The following GAS7 variants were observed in gnomAD, a reference collection of about 807,000 sequenced individuals.
The protein encoded by GAS7 is growth arrest specific 7, also known as growth arrest-specific protein 7.
In GAS7, 28 loss-of-function variants were observed where a neutral mutation model predicts 71.1. The ratio of observed to expected loss-of-function variants is 0.39; its 90% CI spans 0.29 to 0.54. The LOEUF is 0.54. GAS7 is among the 20% of genes least tolerant of loss of function. The probability of loss-of-function intolerance (pLI) is 0.62; values close to 1 mark genes in which losing one functional copy is unlikely to be tolerated. For missense variants in GAS7, 436 were observed against 627.8 expected (o/e 0.69, Z 3.27); for synonymous variants, 258 against 245.8 (o/e 1.05, Z -0.46).
At chr17:10,051,795 C>T (rs74610972) in intron 1 of GAS7, among the ~76,000 whole-genome samples, 1,585 of 152,208 alleles carry the variant, frequency 0.01, 26 homozygotes, top group African/African-American at 0.036. Flanking sequence ...CCAGATCGAT[C>T]GCTCAAGCTC....
Position 9,919,983 on chromosome 17 carries a change from G to C in GAS7, c.1139-278C>G, listed in dbSNP as rs1451645100. Among the ~76,000 whole-genome samples the C allele has an allele frequency of 7.1e-6, 1 of 139,870 alleles. No homozygotes were observed. Among genetic ancestry groups the C allele is most frequent in the Admixed American group, 6.8e-5 (1 of 14,704 alleles). 91.8% of individuals were successfully genotyped at this position (139,870 alleles called of 152,430 possible). Reference sequence around the variant, plus strand: ...TGGTTCTCATTTTGTGTGTGTGTGTGTGTGTGTGTGTGTGTGTGTGTGTGT... The same window carrying C: ...TGGTTCTCATTTTGTGTGTGTGTGTCTGTGTGTGTGTGTGTGTGTGTGTGT... On this transcript the variant is annotated intron_variant, in intron 11 of 13. Transcript: ENST00000432992. This position sits in a 1 kb window ranked among gnomAD's most constrained non-coding sequence, Gnocchi z 5.0.
chr17:10,142,626 A>G lies in GAS7; in HGVS notation c.183+55582T>C, dbSNP rs927482950. 6.2e-4 allele frequency among the ~76,000 whole-genome samples: 95 copies of G among 152,204 alleles called. 1 individual carries two copies. Among genetic ancestry groups the G allele is most frequent in the Non-Finnish European group, 7.3e-4 (50 of 68,036 alleles). On this transcript the variant is annotated intron_variant, in intron 1 of 13. Coordinates refer to ENST00000432992, the MANE Select transcript of GAS7 (RefSeq NM_201433.2). The stretch of plus-strand genomic sequence containing the variant: ...CTCGGCCTCCCCAAGTCCTGGGATT[A>G]CAGGCATGAGCCACCGTGCCTGGCC...
chr17:9,982,033 T>C, intron 2 of GAS7, 149 bp from the exon 3 acceptor site: 1 of 607,676 alleles, frequency 1.6e-6, no homozygotes. Flanking sequence ...AGGACCCTGC[T>C]TTCTGCTCCC....
At chr17:10,025,234 C>G (rs931497603) in intron 1 of GAS7, among the ~76,000 whole-genome samples, 4 of 151,008 alleles carry the variant, frequency 2.6e-5, no homozygotes, top group African/African-American at 9.8e-5. Flanking sequence ...AAGACCCCAT[C>G]TCTACACAAA....
At chr17:10,024,274 C>T (rs1327203856) in intron 1 of GAS7, among the ~76,000 whole-genome samples, 5 of 152,208 alleles carry the variant, frequency 3.3e-5, no homozygotes, top group African/African-American at 9.6e-5. Flanking sequence ...CAAGAGCAGC[C>T]GGCCCCCAGG....
At chr17:10,042,454 A>G (rs1246649056) in intron 1 of GAS7, among the ~76,000 whole-genome samples, 1 of 152,062 alleles carries the variant, frequency 6.6e-6, no homozygotes, top group Non-Finnish European at 1.5e-5. Flanking sequence ...CTTCCTCCAT[A>G]CGTGGCCCCC....
chr17:10,019,067 C>A (rs1454894632), intron 2 of GAS7, among the ~76,000 whole-genome samples: 2 of 152,170 alleles, frequency 1.3e-5, no homozygotes, highest in African/African-American at 2.4e-5. Context: ...GTTACAGAAC[C>A]TGCCACGTGG....
At chr17:9,934,863 G>C (rs183508693) in intron 8 of GAS7, among the ~76,000 whole-genome samples, 1 of 152,316 alleles carries the variant, frequency 6.6e-6, no homozygotes, top group Non-Finnish European at 1.5e-5. Flanking sequence ...AGCCTCCCGA[G>C]TAGCTGGGAT....
At chr17:9,964,970 T>C (rs956384061) in intron 4 of GAS7, among the ~76,000 whole-genome samples, 1 of 152,198 alleles carries the variant, frequency 6.6e-6, no homozygotes, top group Non-Finnish European at 1.5e-5. Flanking sequence ...TCCCATTCTC[T>C]TTCCTCTCTC....
chr17:10,175,093 GC>G (rs1315093672), intron 1 of GAS7, among the ~76,000 whole-genome samples: 3 of 151,992 alleles, frequency 2.0e-5, no homozygotes, highest in Non-Finnish European at 4.4e-5. Flanking sequence ...TGATGCTCCT[GC>G]CTCGGCCTCC....
At chr17:9,984,079 T>A (rs891362459) in intron 2 of GAS7, among the ~76,000 whole-genome samples, 2 of 152,276 alleles carry the variant, frequency 1.3e-5, no homozygotes, top group Non-Finnish European at 2.9e-5. Context: ...AAGTCATTTT[T>A]AAAGTTAGTC....
intron 5 of GAS7, among the ~76,000 whole-genome samples, chr17:9,952,634 C>T (rs963624857): frequency 6.6e-6 from 1 of 152,186 alleles, no homozygotes; most frequent in African/African-American, 2.4e-5. Context: ...TTCAGGTGAT[C>T]CACCCACCTT....
intron 4 of GAS7, among the ~76,000 whole-genome samples, chr17:9,964,889 T>C (rs1421151804): frequency 6.6e-6 from 1 of 152,200 alleles, no homozygotes; most frequent in African/African-American, 2.4e-5. Flanking sequence ...TGGTGGAGAT[T>C]AAACATCTCA....
At position 9,933,260 on chromosome 17, in the gene GAS7, C is replaced by A. The variant is rs560277130; in HGVS notation, c.885+906G>T. ...TACTTGTTCTGAAATTTTGCAACAA[C>A]CACAAATTTAAAAAAAATTCTCCCT... On this transcript the variant is annotated intron_variant, in intron 9 of 13. Coordinates refer to ENST00000432992, the MANE Select transcript of GAS7 (RefSeq NM_201433.2). 5.5e-4 allele frequency among the ~76,000 whole-genome samples: 84 copies of A among 152,220 alleles called. 1 individual carries two copies. The highest frequency in any genetic ancestry group is 2.7e-3 in the South Asian group (13 of 4,808).
At position 9,917,179 on chromosome 17, in the gene GAS7, A is replaced by G. The variant is rs751945623; in HGVS notation, c.*49T>C. ...CACTCGGCATGGGCCCCATGGTGGG[A>G]GCCCAGCCCCCCTCCCCAGCAGGAC... On this transcript the variant is annotated 3_prime_UTR_variant, in exon 14 of 14. Coordinates refer to ENST00000432992, the MANE Select transcript of GAS7 (RefSeq NM_201433.2). The G allele has an allele frequency of 9.0e-7, 1 of 1,106,092 alleles. No homozygotes were observed. Among genetic ancestry groups the G allele is most frequent in the East Asian group, 2.4e-5 (1 of 42,512 alleles). The allele number at this position is 1,106,092 out of a possible 1,614,324, so 68.5% of individuals were successfully genotyped here.
At chr17:10,098,360 G>A (rs2073665382) in intron 1 of GAS7, among the ~76,000 whole-genome samples, 1 of 152,220 alleles carries the variant, frequency 6.6e-6, no homozygotes, top group African/African-American at 2.4e-5. Flanking sequence ...AGCCAGGGCT[G>A]CCCACTGCTG....
chr17:10,187,480 G>C (rs1306127301), intron 1 of GAS7, among the ~76,000 whole-genome samples: 1 of 152,080 alleles, frequency 6.6e-6, no homozygotes, highest in African/African-American at 2.4e-5. Flanking sequence ...TTTTAGCCCT[G>C]AACGGCATTA....
intron 1 of GAS7, among the ~76,000 whole-genome samples, chr17:10,154,577 C>G (rs1195991498): frequency 6.6e-6 from 1 of 151,998 alleles, no homozygotes; most frequent in Non-Finnish European, 1.5e-5. Flanking sequence ...CTTTGGGAGG[C>G]TGAGGCCAGA....
At chr17:10,007,973 T>C (rs1386201465) in intron 2 of GAS7, among the ~76,000 whole-genome samples, 1 of 152,204 alleles carries the variant, frequency 6.6e-6, no homozygotes, top group Non-Finnish European at 1.5e-5. Flanking sequence ...AACAGAATCA[T>C]ATGGCACACG....
Sources: allele counts gnomAD v4.1 joint callset (sites outside exome capture counted in the v4.1 genomes callset), GRCh38; gene constraint gnomAD v4.1.1; non-coding constraint Gnocchi (gnomAD v3.1); transcripts MANE v1.5; gene names NCBI Gene and HGNC (gene_info 2026-07-23, HGNC 2026-07-21).